Variants in LCP1 observed in about 807,000 individuals in gnomAD.
LCP1 encodes lymphocyte cytosolic protein 1.
Under a neutral mutation model 72.0 loss-of-function variants are expected in LCP1, and 23 were observed. That is an observed-to-expected ratio of 0.32 (90% CI 0.23 to 0.45). The LOEUF (loss-of-function observed/expected upper bound fraction) is 0.45, where lower values mean the gene tolerates loss of function less well. Ranked by LOEUF, LCP1 falls within the 20% of genes least tolerant of loss-of-function variation. The pLI, the probability that LCP1 is intolerant of heterozygous loss-of-function variation, is 1.00. For missense variants in LCP1, 571 were observed against 748.3 expected, an observed-to-expected ratio of 0.76 and a Z score of 2.76; for synonymous variants, 245 against 275.4, an observed-to-expected ratio of 0.89 and a Z score of 1.09.
chr13:46,159,130 G>C (rs1399428157), intron 2 of LCP1, 141 bp from the exon 3 acceptor site: 3 of 734,778 alleles, frequency 4.1e-6, no homozygotes, highest in Non-Finnish European at 4.6e-6. Flanking sequence ...GGAAGAGTCA[G>C]AATCTCACAA....
At chr13:46,162,252 TCCCC>T (rs2045843313) in intron 1 of LCP1, among the ~76,000 whole-genome samples, 3 of 62,296 alleles carry the variant, frequency 4.8e-5, no homozygotes, top group Admixed American at 1.6e-4. Context: ...TCCCTCTCCC[TCCCC>T]CTCCCCCTCC....
chr13:46,168,125 A>G (rs940479333), intron 1 of LCP1, among the ~76,000 whole-genome samples: 9 of 152,196 alleles, frequency 5.9e-5, no homozygotes, highest in Admixed American at 2.0e-4. Flanking sequence ...CAGGAAATAG[A>G]AGGAAGTGCC....
chr13:46,173,045 G>A (rs1314279701), intron 1 of LCP1, among the ~76,000 whole-genome samples: 1 of 152,168 alleles, frequency 6.6e-6, no homozygotes, highest in South Asian at 2.1e-4. Flanking sequence ...GAGATGCACG[G>A]TCCATGAAAT....
intron 1 of LCP1, among the ~76,000 whole-genome samples, chr13:46,170,530 T>G (rs1190565064): frequency 6.6e-6 from 1 of 152,144 alleles, no homozygotes; most frequent in Non-Finnish European, 1.5e-5. Context: ...GAAAGGAACC[T>G]TGGAGACAGA....
At chr13:46,140,282 C>T (rs567610874) in intron 13 of LCP1, among the ~76,000 whole-genome samples, 2 of 152,298 alleles carry the variant, frequency 1.3e-5, no homozygotes, top group South Asian at 4.1e-4. Flanking sequence ...TGTGAGGAAA[C>T]TACTAGAGGC....
intron 1 of LCP1, among the ~76,000 whole-genome samples, chr13:46,163,912 C>T (rs1216888766): frequency 1.3e-5 from 2 of 152,220 alleles, no homozygotes; most frequent in Non-Finnish European, 2.9e-5. Flanking sequence ...TCCAGCTCTC[C>T]GGCTGTCCAG....
At chr13:46,171,682 C>G (rs1168813191) in intron 1 of LCP1, among the ~76,000 whole-genome samples, 1 of 152,144 alleles carries the variant, frequency 6.6e-6, no homozygotes, top group Non-Finnish European at 1.5e-5. Flanking sequence ...GGCACACAGT[C>G]CAGTAAACAA....
At chr13:46,158,034 T>C (rs7996552) in intron 4 of LCP1, among the ~76,000 whole-genome samples, 45,367 of 152,088 alleles carry the variant, frequency 0.3, 8,193 homozygotes, top group African/African-American at 0.5. Context: ...GCCTCATGAG[T>C]TTATCTTTAA....
chr13:46,141,582 A>T (rs754293764), intron 13 of LCP1, among the ~76,000 whole-genome samples: 2 of 152,150 alleles, frequency 1.3e-5, no homozygotes, highest in Non-Finnish European at 2.9e-5. Flanking sequence ...AGACAGTGAA[A>T]CTATCTTTAA....
intron 14 of LCP1, 70 bp downstream of exon 14, chr13:46,134,057 A>T: frequency 1.3e-6 from 2 of 1,542,166 alleles, no homozygotes; most frequent in Non-Finnish European, 1.8e-6. Context: ...GGTCACTTGA[A>T]CACATAATGA....
intron 13 of LCP1, among the ~76,000 whole-genome samples, chr13:46,138,632 G>A (rs9316184): frequency 0.29 from 43,435 of 151,954 alleles, 7,256 homozygotes; most frequent in African/African-American, 0.45. Context: ...CATAGAATGG[G>A]GTTGACCTGA....
At chr13:46,136,407 A>T (rs2045665575) in intron 13 of LCP1, among the ~76,000 whole-genome samples, 1 of 152,154 alleles carries the variant, frequency 6.6e-6, no homozygotes, top group African/African-American at 2.4e-5. Flanking sequence ...TGTTCATCAG[A>T]GGTTAGCAGA....
chr13:46,153,761 G>A (rs2138252819), intron 6 of LCP1, among the ~76,000 whole-genome samples: 1 of 151,590 alleles, frequency 6.6e-6, no homozygotes, highest in South Asian at 2.1e-4. Flanking sequence ...TCCTGGAAAA[G>A]ATGGAATGGT....
At chr13:46,142,065 A>G (rs992403113) in intron 13 of LCP1, among the ~76,000 whole-genome samples, 2 of 152,152 alleles carry the variant, frequency 1.3e-5, no homozygotes, top group Non-Finnish European at 2.9e-5. Flanking sequence ...GAATGAAACA[A>G]CAATCTAAAC....
rs994966706 is a variant in LCP1 at position 46,180,034 on chromosome 13, G to A, written c.-25+2077C>T. Among the ~76,000 whole-genome samples the A allele has an allele frequency of 3.3e-5, 5 of 151,644 alleles. No homozygotes were observed. The South Asian group carries it at 1.0e-3, about 32-fold the overall frequency. On this transcript the variant is annotated intron_variant, in intron 1 of 15. Coordinates refer to ENST00000323076, the MANE Select transcript of LCP1 (RefSeq NM_002298.5). Reference sequence around the variant, plus strand: ...TTTATTCTCTCTTAAAACTGTGAGTGCCAAGATCTTGTTAGCTAGCTTCAG... The same window carrying A: ...TTTATTCTCTCTTAAAACTGTGAGTACCAAGATCTTGTTAGCTAGCTTCAG...
chr13:46,134,131 A>C lies in LCP1; in HGVS notation c.1622T>G (p.Phe541Cys), dbSNP rs778541280. The C allele has an allele frequency of 1.9e-6, 3 of 1,613,556 alleles. No homozygotes were observed. The highest frequency in any genetic ancestry group is 2.2e-5 in the South Asian group (2 of 91,076). Residue 541 changes from phenylalanine to cysteine, a missense_variant, in exon 14 of 16, where the codon TTC (phenylalanine) becomes TGC (cysteine). By Grantham distance (205) the Phe-to-Cys change is radical. Transcript: ENST00000323076. ...GCAGAAGACAAAGAATTTTACCTTG[A>C]AACTAGAGATGGATGAACTTTTCTT... ...EAKKSSSISS[F>C]KDPKISTSLP...
chr13:46,173,286 C>G (rs2045912962), intron 1 of LCP1, among the ~76,000 whole-genome samples: 1 of 152,200 alleles, frequency 6.6e-6, no homozygotes, highest in African/African-American at 2.4e-5. Flanking sequence ...TTCCGAGCCT[C>G]AGTTTCTTCA....
chr13:46,179,576 T>C (rs182441479), intron 1 of LCP1, among the ~76,000 whole-genome samples: 6 of 152,286 alleles, frequency 3.9e-5, no homozygotes, highest in East Asian at 1.9e-4. Context: ...AGGGAGAAGA[T>C]GGGAAGGCCT....
At chr13:46,141,465 C>G (rs1458251602) in intron 13 of LCP1, among the ~76,000 whole-genome samples, 1 of 147,882 alleles carries the variant, frequency 6.8e-6, no homozygotes, top group Non-Finnish European at 1.5e-5. Flanking sequence ...TACCTAAAAC[C>G]TGTAATAAAG....
Sources: allele counts gnomAD v4.1 joint callset (sites outside exome capture counted in the v4.1 genomes callset), GRCh38; gene constraint gnomAD v4.1.1; transcripts MANE v1.5; gene names NCBI Gene and HGNC (gene_info 2026-07-23, HGNC 2026-07-21).